PLA2G4A: variants seen among roughly 807,000 people sequenced by gnomAD.
PLA2G4A encodes phospholipase A2 group IVA.
A neutral mutation model predicts 81.9 loss-of-function variants in PLA2G4A; 40 were observed. The observed-to-expected ratio is 0.49, with a 90% CI of 0.38 to 0.64. The LOEUF is 0.64. Among genes scored for constraint, PLA2G4A ranks in the 30% least tolerant of loss-of-function variants. PLA2G4A has a pLI of 0.00. For synonymous variants in PLA2G4A, 302 were observed against 296.9 expected, an observed-to-expected ratio of 1.02 and a Z score of -0.18; for missense variants, 715 against 905.1, an observed-to-expected ratio of 0.79 and a Z score of 2.69.
intron 15 of PLA2G4A, among the ~76,000 whole-genome samples, chr1:186,972,765 T>C (rs12353944): frequency 0.24 from 36,754 of 151,822 alleles, 4,600 homozygotes; most frequent in South Asian, 0.28. Context: ...GAAAGGAAAA[T>C]CTGAAATGAG....
At chr1:186,963,324 G>C (rs181192438) in intron 14 of PLA2G4A, among the ~76,000 whole-genome samples, 82 of 152,314 alleles carry the variant, frequency 5.4e-4, no homozygotes, top group Middle Eastern at 3.4e-3. Flanking sequence ...ATATAGTTCA[G>C]TCTTACATCG....
At chr1:186,830,843 A>G (rs1203794020) in intron 1 of PLA2G4A, among the ~76,000 whole-genome samples, 1 of 152,038 alleles carries the variant, frequency 6.6e-6, no homozygotes, top group East Asian at 1.9e-4. Flanking sequence ...CCAGGAATAA[A>G]AAAGAGGAAG....
intron 8 of PLA2G4A, among the ~76,000 whole-genome samples, chr1:186,935,767 A>G (rs1655923952): frequency 6.6e-6 from 1 of 151,946 alleles, no homozygotes; most frequent in Non-Finnish European, 1.5e-5. Context: ...TATGTTGTGT[A>G]ACCTTTTATA....
rs758620715 is a variant in PLA2G4A at position 186,965,479 on chromosome 1, T to C, written c.1650T>C (p.Ser550=). ...VKSKKIHVVD[S]GLTFNLPYPL... ...GTAAAAAGATTCATGTAGTGGACAG[T>C]GGGCTCACATTTAACCTGCCGTATC... The change falls in exon 15 of 18, where the codon AGT becomes AGC. Residue 550 remains serine (S), a synonymous_variant. Coordinates refer to ENST00000367466, the MANE Select transcript of PLA2G4A (RefSeq NM_024420.3). 6.2e-7 allele frequency: 1 copy of C among 1,610,928 alleles called. No individual in the cohort carries two copies. Among genetic ancestry groups the C allele is most frequent in the East Asian group, 2.2e-5 (1 of 44,858 alleles).
At chr1:186,945,419 C>A (rs909092292) in intron 10 of PLA2G4A, among the ~76,000 whole-genome samples, 1 of 152,012 alleles carries the variant, frequency 6.6e-6, no homozygotes, top group Admixed American at 6.6e-5. Context: ...CACTGGTGTG[C>A]TGTGATTTAT....
chr1:186,979,231 A>T, intron 16 of PLA2G4A, 84 bp from the exon 17 acceptor site: 1 of 1,006,962 alleles, frequency 9.9e-7, no homozygotes, highest in South Asian at 1.3e-5. Context: ...TGCTGTCTTT[A>T]TGTCTGTATG....
intron 7 of PLA2G4A, among the ~76,000 whole-genome samples, chr1:186,925,814 G>GGTGACT (rs1435128219): frequency 2.0e-5 from 3 of 152,162 alleles, no homozygotes; most frequent in Non-Finnish European, 4.4e-5. Context: ...ATATTTATTT[G>GGTGACT]GTGACTGTGA....
intron 3 of PLA2G4A, among the ~76,000 whole-genome samples, chr1:186,889,773 A>ATCT (rs1553272973): frequency 6.6e-6 from 1 of 151,930 alleles, no homozygotes; most frequent in African/African-American, 2.4e-5. Context: ...TTTTGTTTAG[A>ATCT]CCTCTGTACT....
chr1:186,913,746 ATAAAT>A (rs888251932), intron 7 of PLA2G4A, among the ~76,000 whole-genome samples: 5 of 152,198 alleles, frequency 3.3e-5, no homozygotes, highest in African/African-American at 1.2e-4. Context: ...AATTTCATAA[ATAAAT>A]TAATTTCTTG....
At chr1:186,866,348 G>C (rs1177905054) in intron 2 of PLA2G4A, among the ~76,000 whole-genome samples, 1 of 152,140 alleles carries the variant, frequency 6.6e-6, no homozygotes, top group Non-Finnish European at 1.5e-5. Context: ...CTCTTATAAA[G>C]AGATGGGCAC....
intron 3 of PLA2G4A, among the ~76,000 whole-genome samples, chr1:186,875,923 T>G (rs1344697353): frequency 6.6e-6 from 1 of 152,176 alleles, no homozygotes; most frequent in Non-Finnish European, 1.5e-5. Context: ...CTTTCACCTT[T>G]CACACATTGT....
intron 2 of PLA2G4A, among the ~76,000 whole-genome samples, chr1:186,858,337 T>C (rs1056955386): frequency 6.6e-6 from 1 of 152,208 alleles, no homozygotes; most frequent in Non-Finnish European, 1.5e-5. Flanking sequence ...TGGTTTTGAT[T>C]TGTATTTCTC....
At chr1:186,873,017 T>C (rs956088075) in intron 3 of PLA2G4A, among the ~76,000 whole-genome samples, 2 of 151,516 alleles carry the variant, frequency 1.3e-5, no homozygotes, top group African/African-American at 2.4e-5. Flanking sequence ...TTGTTACTTT[T>C]GTGTGTGTGT....
intron 7 of PLA2G4A, among the ~76,000 whole-genome samples, chr1:186,920,818 C>A (rs944031027): frequency 7.2e-5 from 11 of 152,206 alleles, no homozygotes; most frequent in Admixed American, 2.6e-4. Context: ...GCTTTCTCTG[C>A]GGCTTGTTGC....
chr1:186,982,788 C>T (rs1476485049), intron 17 of PLA2G4A, among the ~76,000 whole-genome samples: 1 of 152,078 alleles, frequency 6.6e-6, no homozygotes, highest in East Asian at 1.9e-4. Flanking sequence ...TAAGAAAACA[C>T]ATTTTTGGGG....
chr1:186,902,703 G>A (rs1314538523), intron 5 of PLA2G4A, among the ~76,000 whole-genome samples: 2 of 151,708 alleles, frequency 1.3e-5, no homozygotes, highest in East Asian at 3.9e-4. Context: ...TCCCCACTGA[G>A]CACCTTGTTA....
intron 1 of PLA2G4A, among the ~76,000 whole-genome samples, chr1:186,840,179 T>C (rs2102005476): frequency 6.6e-6 from 1 of 152,008 alleles, no homozygotes; most frequent in South Asian, 2.1e-4. Context: ...ATATTTTATT[T>C]CATATATTTT....
At chr1:186,935,651 G>A (rs1276302817) in intron 8 of PLA2G4A, among the ~76,000 whole-genome samples, 1 of 151,910 alleles carries the variant, frequency 6.6e-6, no homozygotes, top group Non-Finnish European at 1.5e-5. Context: ...AGAAAAGGTG[G>A]CCAGGATGAT....
chr1:186,909,468 T>C (rs551747689), intron 6 of PLA2G4A, among the ~76,000 whole-genome samples: 4 of 150,842 alleles, frequency 2.7e-5, no homozygotes, highest in Admixed American at 2.6e-4. Context: ...CCAGACCAGG[T>C]TGACCAACAT....
Sources: gnomAD v4.1 joint callset for allele counts (sites outside exome capture counted in the v4.1 genomes callset) on GRCh38, gnomAD v4.1.1 for gene constraint, MANE v1.5 for transcripts, NCBI Gene and HGNC (gene_info 2026-07-23, HGNC 2026-07-21) for gene names.